LDLRAD4: variants seen among roughly 807,000 people sequenced by gnomAD.
LDLRAD4 encodes low density lipoprotein receptor class A domain containing 4, also known as low-density lipoprotein receptor class A domain-containing protein 4.
LDLRAD4 carries 5 observed loss-of-function variants against 17.0 expected under a neutral mutation model. That is an observed-to-expected ratio of 0.29 (90% CI 0.15 to 0.62). The LOEUF is 0.62. LDLRAD4 is among the 20% of genes least tolerant of loss of function. The pLI is 0.84. For synonymous variants in LDLRAD4, 168 were observed against 171.8 expected, an observed-to-expected ratio of 0.98 and a Z score of 0.17; for missense variants, 340 against 424.7, an observed-to-expected ratio of 0.80 and a Z score of 1.75.
intron 3 of LDLRAD4, among the ~76,000 whole-genome samples, chr18:13,590,371 G>A (rs983108660): frequency 7.9e-5 from 12 of 152,072 alleles, no homozygotes; most frequent in Non-Finnish European, 1.8e-4. Context: ...GTATGTGCAC[G>A]TGTTGTGTGT....
chr18:13,508,720 C>T (rs1350951979), intron 3 of LDLRAD4, among the ~76,000 whole-genome samples: 1 of 152,178 alleles, frequency 6.6e-6, no homozygotes, highest in African/African-American at 2.4e-5. Flanking sequence ...CAAAGTATTA[C>T]TGCTCATTAA....
intron 1 of LDLRAD4, among the ~76,000 whole-genome samples, chr18:13,322,678 C>T (rs769955070): frequency 1.9e-4 from 29 of 151,860 alleles, no homozygotes; most frequent in Non-Finnish European, 2.8e-4. Flanking sequence ...AGTGCAGTGG[C>T]GCGATCTCAG....
At chr18:13,581,716 G>A (rs1365468981) in intron 3 of LDLRAD4, among the ~76,000 whole-genome samples, 2 of 152,114 alleles carry the variant, frequency 1.3e-5, no homozygotes, top group Non-Finnish European at 2.9e-5. Context: ...TTGCAAGCCT[G>A]TCTTGGTGGG....
chr18:13,475,321 G>A (rs1235999034), intron 3 of LDLRAD4, among the ~76,000 whole-genome samples: 1 of 152,154 alleles, frequency 6.6e-6, no homozygotes, highest in African/African-American at 2.4e-5. Flanking sequence ...GAGCCCAGGA[G>A]CTCAAGGCTG....
intron 3 of LDLRAD4, chr18:13,487,118 C>T (rs2093245461): frequency 6.6e-6 from 1 of 152,196 alleles, no homozygotes; most frequent in Non-Finnish European, 1.5e-5. Context: ...TTTTTCCTTA[C>T]ATGAAACTTT....
intron 1 of LDLRAD4, among the ~76,000 whole-genome samples, chr18:13,332,459 A>G (rs1220633405): frequency 1.3e-5 from 2 of 152,222 alleles, no homozygotes; most frequent in Admixed American, 6.5e-5. Flanking sequence ...TTGGTGTTGT[A>G]CATTCTGTGA....
At position 13,621,716 on chromosome 18, in the gene LDLRAD4, C is replaced by G. The variant is rs905935727; in HGVS notation, c.336+445C>G. ...CGCTCATCGTCACTAAACGTGCCGGCAGCACATGGGTGCCATGAGCTGGAG... is the reference window on the plus strand; with the variant it reads ...CGCTCATCGTCACTAAACGTGCCGGGAGCACATGGGTGCCATGAGCTGGAG... On this transcript the variant is annotated intron_variant, in intron 4 of 5. Transcript: ENST00000359446. The surrounding 1 kb of genome is among the most constrained non-coding windows in gnomAD (Gnocchi z 5.5). Among the ~76,000 whole-genome samples the G allele has an allele frequency of 2.6e-5, 4 of 152,212 alleles. No individual in the cohort carries two copies. Among genetic ancestry groups the G allele is most frequent in the African/African-American group, 9.6e-5 (4 of 41,454 alleles).
At chr18:13,422,343 A>G (rs2089549602) in intron 2 of LDLRAD4, among the ~76,000 whole-genome samples, 1 of 152,146 alleles carries the variant, frequency 6.6e-6, no homozygotes, top group Non-Finnish European at 1.5e-5. Context: ...TAGCCTAAAT[A>G]AGGCTTAGTC....
At chr18:13,415,305 C>T (rs189787748) in intron 2 of LDLRAD4, among the ~76,000 whole-genome samples, 176 of 152,336 alleles carry the variant, frequency 1.2e-3, no homozygotes, top group Non-Finnish European at 2.1e-3. Flanking sequence ...TTGCTCATTA[C>T]GGTGGGTAAT....
chr18:13,311,744 A>G (rs1012947532), intron 1 of LDLRAD4, among the ~76,000 whole-genome samples: 7 of 152,124 alleles, frequency 4.6e-5, no homozygotes, highest in African/African-American at 1.7e-4. Flanking sequence ...CCTGTGGCTC[A>G]CCTGGAAAAT....
At chr18:13,237,911 G>A (rs1250186475) in intron 1 of LDLRAD4, among the ~76,000 whole-genome samples, 3 of 152,286 alleles carry the variant, frequency 2.0e-5, no homozygotes, top group South Asian at 4.1e-4. Context: ...TTAAGATCTC[G>A]TCTCTAAAAT....
rs185995089 is a variant in LDLRAD4 at position 13,367,954 on chromosome 18, C to T, written c.-382-19387C>T. 1.2e-3 allele frequency among the ~76,000 whole-genome samples: 189 copies of T among 152,094 alleles called. 5 individuals carry two copies. The highest frequency in any genetic ancestry group is 0.012 in the Admixed American group (183 of 15,276). On this transcript the variant is annotated intron_variant, in intron 1 of 5. Transcript: ENST00000359446. The surrounding 1 kb of genome is among the most constrained non-coding windows in gnomAD (Gnocchi z 4.1). The stretch of plus-strand genomic sequence containing the variant: ...GGAGTTTTGCTTGAGCCTGAGAAGT[C>T]GAGGCTGCAGTGAGCCATGACGGCA...
At chr18:13,312,770 C>T (rs1283459793) in intron 1 of LDLRAD4, among the ~76,000 whole-genome samples, 1 of 152,056 alleles carries the variant, frequency 6.6e-6, no homozygotes, top group African/African-American at 2.4e-5. Flanking sequence ...CAAAAATACA[C>T]ACAAAACTGA....
intron 1 of LDLRAD4, among the ~76,000 whole-genome samples, chr18:13,233,167 GGCGAAGT>G (rs1417257742): frequency 3.9e-5 from 6 of 152,264 alleles, no homozygotes; most frequent in African/African-American, 1.4e-4. Context: ...GACGTGAGCG[GGCGAAGT>G]GCTCTTGGGT....
rs186392107 is a variant in LDLRAD4 at position 13,437,301 on chromosome 18, G to A, written c.41-943G>A. Among the ~76,000 whole-genome samples the A allele has an allele frequency of 8.9e-4, 135 of 152,344 alleles. 1 individual carries two copies. Among genetic ancestry groups the A allele is most frequent in the Admixed American group, 8.4e-3 (129 of 15,308 alleles). On this transcript the variant is annotated intron_variant, in intron 2 of 5. Transcript: ENST00000359446. ...CTTCCCGCTGTGTACTGAGTGGGCC[G>A]TGCTGTGTGAATCCTGCCAGCTTCT...
chr18:13,387,933 C>T (rs1000934537), intron 2 of LDLRAD4, among the ~76,000 whole-genome samples, 171 bp downstream of exon 3: 1 of 152,184 alleles, frequency 6.6e-6, no homozygotes, highest in African/African-American at 2.4e-5. Flanking sequence ...AATGTGTTTT[C>T]CTTCGCTCTC....
At chr18:13,283,344 A>G (rs1030144582) in intron 1 of LDLRAD4, among the ~76,000 whole-genome samples, 1 of 152,276 alleles carries the variant, frequency 6.6e-6, no homozygotes, top group South Asian at 2.1e-4. Flanking sequence ...TGCTTCCCTT[A>G]TACAACTGAA....
chr18:13,298,834 G>A (rs1186972019), intron 1 of LDLRAD4, among the ~76,000 whole-genome samples: 1 of 152,182 alleles, frequency 6.6e-6, no homozygotes, highest in Non-Finnish European at 1.5e-5. Flanking sequence ...TGAGACATCC[G>A]TGGGCCTTGC....
intron 5 of LDLRAD4, among the ~76,000 whole-genome samples, chr18:13,644,400 C>CAAAA (rs5823265): frequency 3.4e-5 from 2 of 58,610 alleles, no homozygotes; most frequent in Non-Finnish European, 8.0e-5. Flanking sequence ...AACCCCATCT[C>CAAAA]AAAAAAAAAA....
Sources: allele counts gnomAD v4.1 joint callset (sites outside exome capture counted in the v4.1 genomes callset), GRCh38; gene constraint gnomAD v4.1.1; non-coding constraint Gnocchi (gnomAD v3.1); transcripts MANE v1.5; gene names NCBI Gene and HGNC (gene_info 2026-07-23, HGNC 2026-07-21).